The following COA1 variants were observed in gnomAD, a reference collection of about 807,000 sequenced individuals.
COA1 encodes the protein cytochrome c oxidase assembly factor 1, also known as cytochrome c oxidase assembly factor 1 homolog.
Under a neutral mutation model 16.0 loss-of-function variants are expected in COA1, and 13 were observed. The observed-to-expected ratio is 0.81, with a 90% CI of 0.53 to 1.29. COA1 has a LOEUF of 1.29. COA1 is among the 50% of genes most tolerant of loss of function. COA1 has a pLI of 0.00. For synonymous variants in COA1, 65 were observed against 65.7 expected (o/e 0.99, Z 0.05); for missense variants, 179 against 177.0 (o/e 1.01, Z -0.06).
Position 43,712,570 on chromosome 7 carries a change from C to T in COA1, c.-39+16859G>A, listed in dbSNP as rs116332732. On this transcript the variant is annotated intron_variant, in intron 1 of 5. Transcript: ENST00000223336. The stretch of plus-strand genomic sequence containing the variant: ...TTTACCACACGGTGTCCTGAAATTT[C>T]CTAATGATGGGCCCCAGTGTGGGTA... Among the ~76,000 whole-genome samples, 1,398 of 152,284 alleles carry T rather than the reference C, an allele frequency of 9.2e-3. 17 individuals are homozygous for T. Among genetic ancestry groups the T allele is most frequent in the African/African-American group, 0.03 (1,235 of 41,538 alleles).
downstream of COA1, among the ~76,000 whole-genome samples, chr7:43,638,061 G>C (rs1182127787): frequency 6.6e-6 from 1 of 151,946 alleles, no homozygotes; most frequent in Non-Finnish European, 1.5e-5. Context: ...GTAGAGATTG[G>C]AATATTTATC....
chr7:43,695,091 A>C (rs2094488372), intron 1 of COA1, among the ~76,000 whole-genome samples: 1 of 152,192 alleles, frequency 6.6e-6, no homozygotes, highest in African/African-American at 2.4e-5. Flanking sequence ...CTCTTAGACT[A>C]AGTTACCATC....
At chr7:43,644,414 TA>T (rs936806424) in intron 4 of COA1, among the ~76,000 whole-genome samples, 2 of 152,078 alleles carry the variant, frequency 1.3e-5, no homozygotes, top group Non-Finnish European at 2.9e-5. Flanking sequence ...AAGTTATAGC[TA>T]AAAAAATGGG....
intron 1 of COA1, among the ~76,000 whole-genome samples, chr7:43,721,775 C>T (rs2095509498): frequency 1.3e-5 from 2 of 151,122 alleles, no homozygotes; most frequent in South Asian, 2.1e-4. Flanking sequence ...TTTTACTGTA[C>T]GGTAATTTAA....
chr7:43,624,290 G>A (rs368547595), intron 6 of COA1, among the ~76,000 whole-genome samples: 14 of 152,184 alleles, frequency 9.2e-5, no homozygotes, highest in African/African-American at 3.1e-4. Flanking sequence ...TCAAGAGAGC[G>A]TTTCAGACAT....
At chr7:43,672,624 G>A (rs1013482399) in intron 1 of COA1, among the ~76,000 whole-genome samples, 4 of 152,090 alleles carry the variant, frequency 2.6e-5, no homozygotes, top group African/African-American at 9.7e-5. Context: ...ACAAAAATTA[G>A]CTGGGCATGG....
chr7:43,723,882 A>T (rs1235442009), intron 1 of COA1, among the ~76,000 whole-genome samples: 1 of 152,204 alleles, frequency 6.6e-6, no homozygotes, highest in African/African-American at 2.4e-5. Flanking sequence ...AGCCATGTTC[A>T]TGGCACTGCA....
At chr7:43,654,984 C>T (rs2091479844) in intron 1 of COA1, among the ~76,000 whole-genome samples, 1 of 152,110 alleles carries the variant, frequency 6.6e-6, no homozygotes, top group Admixed American at 6.5e-5. Flanking sequence ...CTATAATCTA[C>T]ATAGACATCC....
intron 6 of COA1, chr7:43,631,534 A>C (rs989199982): frequency 6.6e-6 from 1 of 152,250 alleles, no homozygotes; most frequent in African/African-American, 2.4e-5. Flanking sequence ...CCACAAGTTG[A>C]TAGTTCTTCT....
At chr7:43,665,268 A>G (rs775399151) in intron 1 of COA1, among the ~76,000 whole-genome samples, 18 of 152,214 alleles carry the variant, frequency 1.2e-4, no homozygotes, top group Non-Finnish European at 2.4e-4. Flanking sequence ...TGAGATCACA[A>G]AACATACTGC....
intron 4 of COA1, among the ~76,000 whole-genome samples, chr7:43,644,022 G>A (rs972500009): frequency 6.6e-6 from 1 of 152,094 alleles, no homozygotes; most frequent in African/African-American, 2.4e-5. Flanking sequence ...GGCCCCTGGT[G>A]GCCGCAGCCC....
At chr7:43,644,525 TTC>T (rs2088171032) in intron 4 of COA1, among the ~76,000 whole-genome samples, 1 of 151,850 alleles carries the variant, frequency 6.6e-6, no homozygotes, top group Non-Finnish European at 1.5e-5. Flanking sequence ...ATAGATGCAT[TTC>T]TCTTTTTTTT....
chr7:43,720,989 A>T (rs2095495496), intron 1 of COA1, among the ~76,000 whole-genome samples: 1 of 152,224 alleles, frequency 6.6e-6, no homozygotes, highest in Non-Finnish European at 1.5e-5. Flanking sequence ...CAATGCCACC[A>T]ACTACCAGAG....
At chr7:43,702,114 T>C (rs1427614949) in intron 1 of COA1, among the ~76,000 whole-genome samples, 3 of 152,104 alleles carry the variant, frequency 2.0e-5, no homozygotes, top group African/African-American at 4.8e-5. Context: ...TTTGTTGCAA[T>C]TGCTTTGGAA....
chr7:43,723,404 A>G (rs1673331484), intron 1 of COA1, among the ~76,000 whole-genome samples: 1 of 152,214 alleles, frequency 6.6e-6, no homozygotes, highest in Non-Finnish European at 1.5e-5. Flanking sequence ...CTAATCTTCA[A>G]CTAATGACAT....
At chr7:43,629,632 G>T (rs998118744) in intron 6 of COA1, among the ~76,000 whole-genome samples, 53 of 152,244 alleles carry the variant, frequency 3.5e-4, no homozygotes, top group African/African-American at 1.2e-3. Context: ...TTATTTAAAT[G>T]AGTCTTTTGA....
chr7:43,724,411 G>A (rs2095570716), intron 1 of COA1, among the ~76,000 whole-genome samples: 1 of 152,116 alleles, frequency 6.6e-6, no homozygotes, highest in African/African-American at 2.4e-5. Context: ...AAATTAGCCT[G>A]CGTGGTGGTG....
At chr7:43,638,052 TAG>T (rs2086200226), downstream of COA1, among the ~76,000 whole-genome samples, 1 of 151,544 alleles carries the variant, frequency 6.6e-6, no homozygotes, top group Admixed American at 6.5e-5. Flanking sequence ...TAAAAGACTG[TAG>T]AGATTGGAAT....
intron 1 of COA1, among the ~76,000 whole-genome samples, chr7:43,682,719 T>C (rs1181117875): frequency 6.6e-6 from 1 of 152,166 alleles, no homozygotes; most frequent in Admixed American, 6.5e-5. Flanking sequence ...TTCTAGATAA[T>C]CAAGGAAATG....
Sources: gnomAD v4.1 joint callset for allele counts (sites outside exome capture counted in the v4.1 genomes callset) on GRCh38, gnomAD v4.1.1 for gene constraint, MANE v1.5 for transcripts, NCBI Gene and HGNC (gene_info 2026-07-23, HGNC 2026-07-21) for gene names.